ELAVL4: variants seen among roughly 807,000 people sequenced by gnomAD.
ELAVL4 encodes the protein ELAV-like protein 4.
In ELAVL4, 1 loss-of-function variant was observed where a neutral mutation model predicts 35.6. That is an observed-to-expected ratio of 0.03 (90% CI 0.01 to 0.13). The LOEUF is 0.13. ELAVL4 is among the 10% of genes least tolerant of loss of function. ELAVL4 has a pLI of 1.00. For missense variants in ELAVL4, 267 were observed against 464.9 expected, an observed-to-expected ratio of 0.57 and a Z score of 3.91; for synonymous variants, 156 against 171.0, an observed-to-expected ratio of 0.91 and a Z score of 0.69.
At chr1:50,113,252 C>T (rs1299349446) in intron 1 of ELAVL4, among the ~76,000 whole-genome samples, 1 of 151,362 alleles carries the variant, frequency 6.6e-6, no homozygotes, top group East Asian at 1.9e-4. Context: ...CTTCCCTTTA[C>T]ACTTATTTCC....
At chr1:50,112,690 A>G (rs962749685) in intron 1 of ELAVL4, among the ~76,000 whole-genome samples, 2 of 152,136 alleles carry the variant, frequency 1.3e-5, no homozygotes, top group African/African-American at 4.8e-5. Flanking sequence ...AGACAATTTA[A>G]TATCTCATTT....
intron 3 of ELAVL4, among the ~76,000 whole-genome samples, chr1:50,181,504 C>G (rs920489663): frequency 6.6e-6 from 1 of 152,138 alleles, no homozygotes; most frequent in Non-Finnish European, 1.5e-5. Flanking sequence ...GAGTATGGAC[C>G]ATGGGCTTAC....
At chr1:50,090,650 T>C (rs1222572894) in intron 1 of ELAVL4, among the ~76,000 whole-genome samples, 1 of 152,164 alleles carries the variant, frequency 6.6e-6, no homozygotes, top group Non-Finnish European at 1.5e-5. Context: ...AGTGGCTCTG[T>C]TCTCCTTTAG....
At chr1:50,048,649 G>A (rs1663196019) in intron 1 of ELAVL4, among the ~76,000 whole-genome samples, 1 of 152,206 alleles carries the variant, frequency 6.6e-6, no homozygotes, top group South Asian at 2.1e-4. Flanking sequence ...TGGGCGCGCG[G>A]ACTTGGATCC....
intron 1 of ELAVL4, among the ~76,000 whole-genome samples, chr1:50,071,513 T>G (rs920961772): frequency 3.3e-5 from 5 of 152,220 alleles, no homozygotes; most frequent in African/African-American, 1.2e-4. Flanking sequence ...TCATCGTGAA[T>G]GCAGCTTCCT....
At chr1:50,119,782 G>A (rs1267110752) in intron 1 of ELAVL4, among the ~76,000 whole-genome samples, 1 of 151,818 alleles carries the variant, frequency 6.6e-6, no homozygotes, top group Non-Finnish European at 1.5e-5. Context: ...ACAGATCTGT[G>A]ACCATAGAGA....
At chr1:50,165,607 T>C (rs1677672540) in intron 2 of ELAVL4, among the ~76,000 whole-genome samples, 1 of 148,184 alleles carries the variant, frequency 6.7e-6, no homozygotes, top group African/African-American at 2.5e-5. Flanking sequence ...CGTGTATGTA[T>C]ACGTATACAT....
At chr1:50,144,806 C>A in intron 1 of ELAVL4, 151 bp from the exon 2 acceptor site, 1 of 1,184,000 alleles carries the variant, frequency 8.4e-7, no homozygotes, top group Non-Finnish European at 1.2e-6. Context: ...TAAAAACATG[C>A]TTCTAAATTG....
At chr1:50,103,828 G>C (rs562116072), upstream of ELAVL4, 350 of 1,411,742 alleles carry the variant, frequency 2.5e-4, no homozygotes, top group Admixed American at 3.4e-4. Context: ...TGAGGGGCAA[G>C]AAGAGGTAAT....
chr1:50,197,539 T>C, intron 6 of ELAVL4, 72 bp downstream of exon 6: 11 of 1,294,900 alleles, frequency 8.5e-6, no homozygotes, highest in Non-Finnish European at 1.1e-5. Context: ...TTTTTTTTAA[T>C]TCACTAACTT....
intron 1 of ELAVL4, among the ~76,000 whole-genome samples, chr1:50,118,011 C>T (rs1014338064): frequency 6.6e-6 from 1 of 152,002 alleles, no homozygotes; most frequent in Admixed American, 6.6e-5. Flanking sequence ...AAGAGAAAAA[C>T]GATGAAGATA....
upstream of ELAVL4, among the ~76,000 whole-genome samples, chr1:50,099,518 C>T (rs1257107426): frequency 1.4e-5 from 2 of 147,970 alleles, no homozygotes; most frequent in African/African-American, 5.0e-5. Flanking sequence ...CAAGATCACA[C>T]CACTGCACTT....
At chr1:50,129,605 G>A (rs12084855) in intron 1 of ELAVL4, among the ~76,000 whole-genome samples, 9 of 151,988 alleles carry the variant, frequency 5.9e-5, no homozygotes, top group Admixed American at 5.9e-4. Flanking sequence ...AATCCACATA[G>A]CCCCTCCCCC....
chr1:50,165,228 G>A (rs1038151568), intron 2 of ELAVL4, among the ~76,000 whole-genome samples: 2 of 152,002 alleles, frequency 1.3e-5, no homozygotes, highest in African/African-American at 2.4e-5. Flanking sequence ...TGCCAAGCAC[G>A]TTCCTGCTTC....
intron 3 of ELAVL4, among the ~76,000 whole-genome samples, chr1:50,186,925 C>A (rs1268064127): frequency 1.3e-5 from 2 of 152,190 alleles, no homozygotes; most frequent in South Asian, 2.1e-4. Context: ...TGTGAACAGG[C>A]CTACAGCCAC....
intron 1 of ELAVL4, among the ~76,000 whole-genome samples, chr1:50,075,350 A>G (rs911257019): frequency 1.3e-5 from 2 of 152,224 alleles, no homozygotes; most frequent in Non-Finnish European, 2.9e-5. Context: ...TGAAGCATAC[A>G]TCAAAGTTAA....
chr1:50,083,631 T>C (rs765641291), intron 1 of ELAVL4, among the ~76,000 whole-genome samples: 7 of 152,146 alleles, frequency 4.6e-5, no homozygotes, highest in Non-Finnish European at 1.0e-4. Flanking sequence ...AACATAAAAT[T>C]TGGGGAGAAA....
chr1:50,152,324 T>G (rs954576711), intron 2 of ELAVL4, among the ~76,000 whole-genome samples: 2 of 152,076 alleles, frequency 1.3e-5, no homozygotes, highest in Non-Finnish European at 2.9e-5. Context: ...GGCTGGGTAT[T>G]TTAAGAATTT....
chr1:50,107,801 T>TA (rs1190614076), upstream of ELAVL4, among the ~76,000 whole-genome samples: 1 of 152,194 alleles, frequency 6.6e-6, no homozygotes, highest in Non-Finnish European at 1.5e-5. Context: ...GTAAGCCACT[T>TA]AAAAAACCCA....
Sources: allele counts gnomAD v4.1 joint callset (sites outside exome capture counted in the v4.1 genomes callset), GRCh38; gene constraint gnomAD v4.1.1; transcripts MANE v1.5; gene names NCBI Gene and HGNC (gene_info 2026-07-23, HGNC 2026-07-21).